Variants in TRIM14 observed in about 807,000 individuals in gnomAD.
TRIM14 encodes tripartite motif-containing protein 14.
A neutral mutation model predicts 44.5 loss-of-function variants in TRIM14; 28 were observed. That is an observed-to-expected ratio of 0.63 (90% CI 0.47 to 0.86). The LOEUF is 0.86. TRIM14 is among the 40% of genes least tolerant of loss of function. The pLI is 0.00. For synonymous variants in TRIM14, 299 were observed against 269.2 expected (o/e 1.11, Z -1.08); for missense variants, 607 against 611.1 (o/e 0.99, Z 0.07).
the TRIM14 span, among the ~76,000 whole-genome samples, chr9:98,044,368 C>G: frequency 1.8e-5 from 2 of 110,504 alleles, no homozygotes; most frequent in Non-Finnish European, 1.8e-5. Flanking sequence ...TGCCCTTTCT[C>G]TTTTTTTTTT....
intron 2 of TRIM14, among the ~76,000 whole-genome samples, chr9:98,107,256 T>C (rs1298681086): frequency 6.6e-6 from 1 of 151,940 alleles, no homozygotes; most frequent in East Asian, 1.9e-4. Flanking sequence ...AACAGGCAGG[T>C]GCCATATGAC....
chr9:98,045,563 C>G, the TRIM14 span, among the ~76,000 whole-genome samples: 1 of 152,180 alleles, frequency 6.6e-6, no homozygotes, highest in Non-Finnish European at 1.5e-5. Context: ...ACATCACTTC[C>G]CTTTTTCTGT....
the TRIM14 span, among the ~76,000 whole-genome samples, chr9:98,060,557 C>A: frequency 2.0e-5 from 3 of 152,070 alleles, no homozygotes; most frequent in African/African-American, 7.2e-5. Context: ...GTAATCCCAG[C>A]TACTTGGGAG....
the TRIM14 span, among the ~76,000 whole-genome samples, chr9:98,062,885 T>C: frequency 8.6e-5 from 13 of 150,962 alleles, no homozygotes; most frequent in Non-Finnish European, 1.9e-4. Context: ...TACCATTATC[T>C]CAAAATTCAA....
chr9:98,082,731 C>T (rs998749130), downstream of TRIM14: 10 of 908,584 alleles, frequency 1.1e-5, no homozygotes, highest in African/African-American at 1.5e-4. Context: ...CAACAGAGTG[C>T]CTGCTCCCAA....
rs3780471 is a variant in TRIM14 at position 98,085,269 on chromosome 9, G to T, written c.*2201C>A. 0.38 allele frequency: 57,182 copies of T among 152,116 alleles called. 13,359 individuals are homozygous for T. The highest frequency in any genetic ancestry group is 0.65 in the African/African-American group (26,900 of 41,430). 9.4% of individuals were successfully genotyped at this position (152,116 alleles called of 1,614,324 possible). On this transcript the variant is annotated 3_prime_UTR_variant, in exon 6 of 6. Coordinates refer to ENST00000341469, the MANE Select transcript of TRIM14 (RefSeq NM_014788.4). Reference sequence around the variant, plus strand: ...CCAGCTGCATTCACCCTGAGCAGTAGGGCCTGGTGGCCATGAGCACAGACC... The same window carrying T: ...CCAGCTGCATTCACCCTGAGCAGTATGGCCTGGTGGCCATGAGCACAGACC...
At chr9:98,102,192 T>C (rs1826424793) in intron 2 of TRIM14, among the ~76,000 whole-genome samples, 1 of 152,120 alleles carries the variant, frequency 6.6e-6, no homozygotes, top group Admixed American at 6.5e-5. Context: ...AGGCATCCTG[T>C]CTGCAAGCAT....
chr9:98,046,672 C>T, the TRIM14 span, among the ~76,000 whole-genome samples: 26 of 152,110 alleles, frequency 1.7e-4, no homozygotes, highest in Non-Finnish European at 3.8e-4. Flanking sequence ...AACTCCTGAC[C>T]TTGTGATCCA....
At chr9:98,078,836 G>GAA (rs11424970) in intron 6 of TRIM14, among the ~76,000 whole-genome samples, 20,321 of 122,826 alleles carry the variant, frequency 0.17, 1,839 homozygotes, top group Admixed American at 0.2. Context: ...CTCTCAGGGG[G>GAA]AAAAAAAAAA....
chr9:98,065,640 CTTT>C (rs751144623), downstream of TRIM14, among the ~76,000 whole-genome samples: 1 of 143,910 alleles, frequency 6.9e-6, no homozygotes, highest in Non-Finnish European at 1.5e-5. Context: ...CATCCAGCTG[CTTT>C]TTTTTTTTTC....
At chr9:98,067,303 C>G (rs1829176762), downstream of TRIM14, among the ~76,000 whole-genome samples, 1 of 152,152 alleles carries the variant, frequency 6.6e-6, no homozygotes, top group African/African-American at 2.4e-5. Flanking sequence ...CCTGGTAACT[C>G]TATGTTTAAC....
At chr9:98,052,826 C>T in the TRIM14 span, among the ~76,000 whole-genome samples, 1 of 152,200 alleles carries the variant, frequency 6.6e-6, no homozygotes, top group East Asian at 1.9e-4. Context: ...TATTACCAGA[C>T]TAGCCAGGAC....
chr9:98,088,557 T>C (rs1349782672), intron 5 of TRIM14, among the ~76,000 whole-genome samples: 1 of 152,208 alleles, frequency 6.6e-6, no homozygotes, highest in Non-Finnish European at 1.5e-5. Context: ...TGTCACACCA[T>C]ACATGACGTT....
the TRIM14 span, chr9:98,061,019 C>A: frequency 6.2e-7 from 1 of 1,610,212 alleles, no homozygotes; most frequent in South Asian, 1.1e-5. Context: ...GCTGCTCTGT[C>A]ATTTGTCACT....
intron 6 of TRIM14, chr9:98,078,225 T>C: frequency 6.2e-7 from 1 of 1,614,150 alleles, no homozygotes; most frequent in Non-Finnish European, 8.5e-7. Context: ...TGGGATGCAG[T>C]CAATGGACAC....
chr9:98,098,014 T>C (rs1415569607), intron 3 of TRIM14, among the ~76,000 whole-genome samples: 2 of 151,762 alleles, frequency 1.3e-5, no homozygotes, highest in Non-Finnish European at 2.9e-5. Flanking sequence ...GACACAAGAG[T>C]GGAAATCCCC....
chr9:98,095,630 G>A lies in TRIM14; in HGVS notation c.538-601C>T, dbSNP rs555082802. ...CTTCAATACTTTCCTGTGGTATGTGGCTTCACTAAGGAGAAGCTAGAAAAC... is the reference window on the plus strand; with the variant it reads ...CTTCAATACTTTCCTGTGGTATGTGACTTCACTAAGGAGAAGCTAGAAAAC... On this transcript the variant is annotated intron_variant, in intron 3 of 5. Coordinates refer to ENST00000341469, the MANE Select transcript of TRIM14 (RefSeq NM_014788.4). The surrounding 1 kb of genome is among the most constrained non-coding windows in gnomAD (Gnocchi z 4.1). Among the ~76,000 whole-genome samples the A allele has an allele frequency of 6.6e-6, 1 of 152,316 alleles. No homozygotes were observed. The highest frequency in any genetic ancestry group is 6.5e-5 in the Admixed American group (1 of 15,302).
At chr9:98,109,796 T>A in intron 2 of TRIM14, 93 bp downstream of exon 2, 1 of 1,070,104 alleles carries the variant, frequency 9.3e-7, no homozygotes, top group Non-Finnish European at 1.4e-6. Flanking sequence ...TCGCAGTTGG[T>A]TTTTATTTTC....
In TRIM14 at chr9:98,092,435, AC is replaced by A. The variant is rs567043188; in HGVS notation, c.701-435del. 6.8e-3 allele frequency: 2,209 copies of A among 327,210 alleles called. 43 individuals are homozygous for A. Among genetic ancestry groups the A allele is most frequent in the African/African-American group, 0.044 (2,007 of 45,888 alleles). 20.3% of individuals were successfully genotyped at this position (327,210 alleles called of 1,614,324 possible). On this transcript the variant is annotated intron_variant, in intron 4 of 5. Coordinates refer to ENST00000341469, the MANE Select transcript of TRIM14 (RefSeq NM_014788.4). ...CCCTCTGCCTGGACAGCCCCCCCAC[AC>A]CCTTCCCCCCTTGCCCAGGTTGCCT...
Sources: allele counts gnomAD v4.1 joint callset (sites outside exome capture counted in the v4.1 genomes callset), GRCh38; gene constraint gnomAD v4.1.1; non-coding constraint Gnocchi (gnomAD v3.1); transcripts MANE v1.5; gene names NCBI Gene and HGNC (gene_info 2026-07-23, HGNC 2026-07-21).